Variants in NTM observed in about 807,000 individuals in gnomAD.
NTM encodes IgLON family member 2.
In NTM, 13 loss-of-function variants were observed where a neutral mutation model predicts 42.1. That is an observed-to-expected ratio of 0.31 (90% CI 0.20 to 0.49). The LOEUF is 0.49. NTM is among the 20% of genes least tolerant of loss of function. The pLI is 0.99. For missense variants in NTM, 373 were observed against 452.8 expected, an observed-to-expected ratio of 0.82 and a Z score of 1.60; for synonymous variants, 187 against 179.2, an observed-to-expected ratio of 1.04 and a Z score of -0.35.
At chr11:131,997,814 T>C (rs1449214327) in intron 2 of NTM, among the ~76,000 whole-genome samples, 3 of 152,194 alleles carry the variant, frequency 2.0e-5, no homozygotes, top group Admixed American at 2.0e-4. Flanking sequence ...CTGTTAGCTA[T>C]GAGGCTGCCT....
chr11:132,164,767 A>G (rs2074997369), intron 3 of NTM, among the ~76,000 whole-genome samples: 2 of 152,152 alleles, frequency 1.3e-5, no homozygotes, highest in South Asian at 4.1e-4. Context: ...TCACGGGTAC[A>G]TCTCTGACCC....
At chr11:131,937,203 G>GT (rs1328827177) in intron 2 of NTM, among the ~76,000 whole-genome samples, 8 of 152,104 alleles carry the variant, frequency 5.3e-5, no homozygotes, top group African/African-American at 1.7e-4. Flanking sequence ...GTTTATGTGT[G>GT]TTTTCTTAAT....
intron 1 of NTM, among the ~76,000 whole-genome samples, chr11:131,396,964 C>A (rs1214112855): frequency 3.9e-5 from 6 of 152,068 alleles, no homozygotes; most frequent in African/African-American, 9.7e-5. Context: ...TTTTAAGACG[C>A]CATGATCTAG....
intron 1 of NTM, among the ~76,000 whole-genome samples, chr11:131,880,801 C>CT (rs113951279): frequency 0.095 from 14,032 of 147,524 alleles, 2,025 homozygotes; most frequent in African/African-American, 0.32. Flanking sequence ...AAATCTCACT[C>CT]TTTTTTTTTT....
intron 3 of NTM, among the ~76,000 whole-genome samples, chr11:132,192,292 C>T (rs2079436335): frequency 6.6e-6 from 1 of 152,126 alleles, no homozygotes; most frequent in Admixed American, 6.5e-5. Flanking sequence ...ACAAATAGAA[C>T]CTCATCAGGC....
At chr11:132,089,312 C>G (rs1235720339) in intron 2 of NTM, among the ~76,000 whole-genome samples, 1 of 152,160 alleles carries the variant, frequency 6.6e-6, no homozygotes, top group Non-Finnish European at 1.5e-5. Context: ...TGGAATCATA[C>G]TGGCAAAGCC....
At chr11:131,431,469 G>C (rs904705216) in intron 1 of NTM, among the ~76,000 whole-genome samples, 29 of 152,174 alleles carry the variant, frequency 1.9e-4, no homozygotes, top group African/African-American at 6.8e-4. Context: ...TAGGCAGAAT[G>C]CCAAGTTGTC....
chr11:132,059,719 T>TC (rs548719633), intron 2 of NTM, among the ~76,000 whole-genome samples: 1,886 of 151,056 alleles, frequency 0.012, 21 homozygotes, highest in Non-Finnish European at 0.02. Context: ...CTTCGAATCC[T>TC]CCCCCGCCCC....
chr11:131,716,163 G>C (rs1258513659), intron 1 of NTM, among the ~76,000 whole-genome samples: 3 of 152,166 alleles, frequency 2.0e-5, no homozygotes, highest in African/African-American at 7.2e-5. Flanking sequence ...GTCTTTACAT[G>C]GTGGAAGGGG....
At chr11:131,935,198 A>T (rs1425108747) in intron 2 of NTM, among the ~76,000 whole-genome samples, 1 of 152,216 alleles carries the variant, frequency 6.6e-6, no homozygotes, top group East Asian at 1.9e-4. Context: ...GTAACAGAGT[A>T]ACGGTGGTTT....
chr11:132,079,855 C>T (rs1016001946), intron 2 of NTM, among the ~76,000 whole-genome samples: 1 of 152,104 alleles, frequency 6.6e-6, no homozygotes, highest in Admixed American at 6.5e-5. Flanking sequence ...CCTTTTTGTT[C>T]ATCTGGAGTT....
intron 1 of NTM, among the ~76,000 whole-genome samples, chr11:131,440,128 T>C (rs576628442): frequency 3.9e-4 from 60 of 152,198 alleles, no homozygotes; most frequent in Middle Eastern, 3.4e-3. Flanking sequence ...TATTTTTTGT[T>C]CTGATTTCTA....
intron 1 of NTM, among the ~76,000 whole-genome samples, chr11:131,803,058 G>A (rs1055438692): frequency 1.3e-5 from 2 of 152,158 alleles, no homozygotes; most frequent in Non-Finnish European, 2.9e-5. Flanking sequence ...TCCATTTCCA[G>A]ACACTTCACA....
chr11:132,082,419 C>T (rs989641483), intron 2 of NTM, among the ~76,000 whole-genome samples: 3 of 152,160 alleles, frequency 2.0e-5, no homozygotes, highest in African/African-American at 7.2e-5. Flanking sequence ...CTGGTGGCTC[C>T]ACTCCATTCC....
At chr11:131,967,293 G>A (rs1201187886) in intron 2 of NTM, among the ~76,000 whole-genome samples, 2 of 152,312 alleles carry the variant, frequency 1.3e-5, no homozygotes, top group East Asian at 1.9e-4. Flanking sequence ...TCCAGGCATC[G>A]TGGGTGGTCT....
Position 131,984,074 on chromosome 11 carries a change from C to T in NTM, c.167+72426C>T, listed in dbSNP as rs572600033. Among the ~76,000 whole-genome samples, 14 of 152,314 alleles carry T rather than the reference C, an allele frequency of 9.2e-5. No individual in the cohort carries two copies. In the South Asian group the frequency reaches 2.5e-3, roughly 27 times the overall value. Reference sequence around the variant, plus strand: ...AAAAATAGACACAGATTTTGGTGTACAGGTAGCAATCATAGCTACAGTAGG... The same window carrying T: ...AAAAATAGACACAGATTTTGGTGTATAGGTAGCAATCATAGCTACAGTAGG... On this transcript the variant is annotated intron_variant, in intron 2 of 8. Transcript: ENST00000683400.
At chr11:131,574,014 A>T (rs1427122350) in intron 1 of NTM, among the ~76,000 whole-genome samples, 1 of 152,160 alleles carries the variant, frequency 6.6e-6, no homozygotes, top group African/African-American at 2.4e-5. Flanking sequence ...TTTTTAAAGC[A>T]AATTGCTCTA....
chr11:131,656,213 A>G (rs1282882526), intron 1 of NTM, among the ~76,000 whole-genome samples: 3 of 152,196 alleles, frequency 2.0e-5, no homozygotes, highest in Non-Finnish European at 4.4e-5. Context: ...GAAAGAAAAG[A>G]CCTCAGGAAA....
intron 1 of NTM, among the ~76,000 whole-genome samples, chr11:131,427,158 A>G (rs1196004790): frequency 1.3e-5 from 2 of 150,800 alleles, no homozygotes; most frequent in Non-Finnish European, 3.0e-5. Flanking sequence ...GAAGCAGAAG[A>G]CCGGCACCTG....
Sources: allele counts gnomAD v4.1 joint callset (sites outside exome capture counted in the v4.1 genomes callset), GRCh38; gene constraint gnomAD v4.1.1; transcripts MANE v1.5; gene names NCBI Gene and HGNC (gene_info 2026-07-23, HGNC 2026-07-21).